The following KNTC1 variants were observed in gnomAD, a reference collection of about 807,000 sequenced individuals.
KNTC1 encodes kinetochore associated 1.
In KNTC1, 253 loss-of-function variants were observed where a neutral mutation model predicts 314.4. That is an observed-to-expected ratio of 0.80 (90% CI 0.73 to 0.89). The LOEUF is 0.89. KNTC1 is among the 40% of genes least tolerant of loss of function. The probability of loss-of-function intolerance (pLI) is 0.00; values close to 1 mark genes in which losing one functional copy is unlikely to be tolerated. For missense variants in KNTC1, 2,475 were observed against 2,572.9 expected (o/e 0.96, Z 0.82); for synonymous variants, 901 against 901.4 (o/e 1.00, Z 0.01).
chr12:122,557,570 G>A (rs764521480), intron 17 of KNTC1, 30 bp from the exon 18 acceptor site: 28 of 1,611,414 alleles, frequency 1.7e-5, no homozygotes, highest in Admixed American at 6.7e-5. Flanking sequence ...ACATTAGGTT[G>A]CCTTACTGTG....
At chr12:122,578,180 T>C (rs1034652170) in intron 31 of KNTC1, among the ~76,000 whole-genome samples, 3 of 152,118 alleles carry the variant, frequency 2.0e-5, no homozygotes, top group Non-Finnish European at 4.4e-5. Flanking sequence ...AACTTAGAAA[T>C]GGTTTTAAGA....
At chr12:122,579,722 A>G (rs959641453) in intron 31 of KNTC1, among the ~76,000 whole-genome samples, 183 bp from the exon 32 acceptor site, 2 of 152,198 alleles carry the variant, frequency 1.3e-5, no homozygotes, top group African/African-American at 4.8e-5. Flanking sequence ...TATATCCAGG[A>G]GTTCATACTG....
chr12:122,542,149 T>C, intron 6 of KNTC1, 22 bp downstream of exon 6: 1 of 1,376,050 alleles, frequency 7.3e-7, no homozygotes, highest in Non-Finnish European at 9.9e-7. Context: ...ATTATATTTT[T>C]ATTATTGATT....
At chr12:122,594,241 G>GT (rs780998715) in intron 42 of KNTC1, 35 bp from the exon 43 acceptor site, 11 of 1,223,058 alleles carry the variant, frequency 9.0e-6, no homozygotes, top group Middle Eastern at 2.0e-4. Flanking sequence ...AGTGTAGAGG[G>GT]TTTTTTTGCT....
chr12:122,548,127 A>G (rs577568209), intron 12 of KNTC1, among the ~76,000 whole-genome samples, 158 bp downstream of exon 12: 28 of 152,336 alleles, frequency 1.8e-4, no homozygotes, highest in Admixed American at 1.1e-3. Flanking sequence ...TTTAAAGTAA[A>G]AAGCTGTAAA....
chr12:122,624,557 T>A, intron 62 of KNTC1, 41 bp from the exon 63 acceptor site: 3 of 1,482,194 alleles, frequency 2.0e-6, no homozygotes, highest in Non-Finnish European at 2.8e-6. Context: ...CACAAGGCAC[T>A]GTGCTTGGCC....
At chr12:122,561,823 T>C (rs1389972136) in intron 18 of KNTC1, 98 bp from the exon 19 acceptor site, 2 of 963,962 alleles carry the variant, frequency 2.1e-6, no homozygotes. Flanking sequence ...AAATGCAATT[T>C]ATTTAAAAAA....
At position 122,571,076 on chromosome 12, in the gene KNTC1, G is replaced by GA; in HGVS notation, c.1975dup (p.Thr659AsnfsTer33). On this transcript the variant is annotated frameshift_variant, in exon 24 of 64. Coordinates refer to ENST00000333479, the MANE Select transcript of KNTC1 (RefSeq NM_014708.6). LOFTEE classifies it high-confidence loss of function. The stretch of plus-strand genomic sequence containing the variant: ...ATTGGCAGAGATATTTTTTACAGCA[G>GA]AAAAAACAGACGAGTTGGGATTGGC... The GA allele has an allele frequency of 6.2e-7, 1 of 1,613,678 alleles. No individual in the cohort carries two copies. Among genetic ancestry groups the GA allele is most frequent in the Non-Finnish European group, 8.5e-7 (1 of 1,179,752 alleles).
At chr12:122,576,564 C>A (rs1737325701) in intron 29 of KNTC1, among the ~76,000 whole-genome samples, 2 of 151,992 alleles carry the variant, frequency 1.3e-5, no homozygotes, top group African/African-American at 2.4e-5. Flanking sequence ...GCCTGTAGTC[C>A]CAGCTACTTG....
Position 122,582,804 on chromosome 12 carries a change from G to A in KNTC1, c.3082G>A (p.Ala1028Thr), listed in dbSNP as rs917214679. The A allele has an allele frequency of 6.2e-7, 1 of 1,612,584 alleles. No homozygotes were observed. The highest frequency in any genetic ancestry group is 1.1e-5 in the South Asian group (1 of 90,842). ...QHIKAHEVAQAKHKPGSTPEP... is the reference protein window; with the variant it reads ...QHIKAHEVAQTKHKPGSTPEP... ...CATTAAAGCTCACGAAGTTGCACAG[G>A]CGAAACACAAACCTGGGAGCACCCC... Residue 1028 changes from alanine (A) to threonine (T), a missense_variant, in exon 34 of 64, where the codon GCG (alanine) becomes ACG (threonine). Physicochemically the swap from Ala to Thr is moderately conservative, Grantham distance 58 (BLOSUM62 0). Coordinates refer to ENST00000333479, the MANE Select transcript of KNTC1 (RefSeq NM_014708.6).
intron 51 of KNTC1, among the ~76,000 whole-genome samples, chr12:122,606,836 T>G (rs565936177): frequency 2.0e-4 from 30 of 152,250 alleles, no homozygotes; most frequent in African/African-American, 7.2e-4. Flanking sequence ...GCATGCCCCC[T>G]TACCCCCTGA....
At chr12:122,599,990 G>A (rs147625032) in intron 44 of KNTC1, among the ~76,000 whole-genome samples, 7,805 of 152,206 alleles carry the variant, frequency 0.051, 646 homozygotes, top group African/African-American at 0.18. Context: ...CTGCACTCCA[G>A]CCTGGGTGAC....
chr12:122,616,015 A>C (rs967134553), intron 57 of KNTC1, among the ~76,000 whole-genome samples: 3 of 152,062 alleles, frequency 2.0e-5, no homozygotes, highest in African/African-American at 7.2e-5. Context: ...ACTGCCCCTC[A>C]CAGACTTTGA....
At chr12:122,592,313 CGTGGGTTCCT>C (rs1379101834) in intron 42 of KNTC1, among the ~76,000 whole-genome samples, 1 of 152,224 alleles carries the variant, frequency 6.6e-6, no homozygotes, top group Non-Finnish European at 1.5e-5. Flanking sequence ...CCCCCGCCTC[CGTGGGTTCCT>C]GTGCAGCCCG....
chr12:122,542,450 G>A (rs1472807751), intron 6 of KNTC1, among the ~76,000 whole-genome samples: 1 of 152,170 alleles, frequency 6.6e-6, no homozygotes, highest in East Asian at 1.9e-4. Context: ...ACCTGGAAAT[G>A]GAAATGACTA....
At chr12:122,547,088 C>T (rs1962829679) in intron 10 of KNTC1, among the ~76,000 whole-genome samples, 1 of 151,972 alleles carries the variant, frequency 6.6e-6, no homozygotes, top group Non-Finnish European at 1.5e-5. Context: ...CCCACCTTGG[C>T]CTCCCAAAGT....
chr12:122,612,498 C>T (rs866058457), intron 53 of KNTC1, among the ~76,000 whole-genome samples: 27 of 151,022 alleles, frequency 1.8e-4, no homozygotes, highest in Non-Finnish European at 3.0e-4. Context: ...CAGCTCACTG[C>T]AACCTCCGCC....
chr12:122,548,241 C>A (rs1045556654), intron 12 of KNTC1, among the ~76,000 whole-genome samples: 8 of 151,952 alleles, frequency 5.3e-5, no homozygotes, highest in African/African-American at 1.9e-4. Context: ...TGGGATCTTA[C>A]CCTGTCCCCT....
At chr12:122,565,741 A>G (rs908419483) in intron 20 of KNTC1, among the ~76,000 whole-genome samples, 4 of 151,888 alleles carry the variant, frequency 2.6e-5, no homozygotes, top group African/African-American at 9.7e-5. Context: ...AAAATTTGCC[A>G]GGCAACTTGG....
Sources: allele counts gnomAD v4.1 joint callset (sites outside exome capture counted in the v4.1 genomes callset), GRCh38; gene constraint gnomAD v4.1.1; transcripts MANE v1.5; gene names NCBI Gene and HGNC (gene_info 2026-07-23, HGNC 2026-07-21).